AGAP1: variants seen among roughly 807,000 people sequenced by gnomAD.
AGAP1 encodes arf-GAP with GTPase, ANK repeat and PH domain-containing protein 1.
Under a neutral mutation model 105.3 loss-of-function variants are expected in AGAP1, and 29 were observed. The ratio of observed to expected loss-of-function variants is 0.28; its 90% CI spans 0.21 to 0.38. The LOEUF is 0.38. Among genes scored for constraint, AGAP1 ranks in the 10% least tolerant of loss-of-function variants. The pLI, the probability that AGAP1 is intolerant of heterozygous loss-of-function variation, is 1.00. For synonymous variants in AGAP1, 509 were observed against 485.9 expected (o/e 1.05, Z -0.63); for missense variants, 998 against 1,165.1 (o/e 0.86, Z 2.09).
chr2:236,102,110 C>T (rs1022317282), intron 16 of AGAP1, among the ~76,000 whole-genome samples: 6 of 151,934 alleles, frequency 3.9e-5, no homozygotes, highest in East Asian at 3.9e-4. Context: ...GGTGAAACCC[C>T]GTCTCTACTA....
intron 12 of AGAP1, among the ~76,000 whole-genome samples, chr2:235,954,274 C>T (rs1031764476): frequency 5.3e-5 from 8 of 150,988 alleles, no homozygotes; most frequent in African/African-American, 1.9e-4. Context: ...GACACAGCCA[C>T]ATAAAGGAGA....
chr2:236,116,354 G>GTTTTTTTTTTTTTT (rs1382491873), intron 16 of AGAP1, among the ~76,000 whole-genome samples: 3 of 90,636 alleles, frequency 3.3e-5, no homozygotes, highest in African/African-American at 1.1e-4. Flanking sequence ...GGTTAATTAA[G>GTTTTTTTTTTTTTT]TTCTTTTTTT....
chr2:235,522,819 T>C (rs1224876956), intron 1 of AGAP1, among the ~76,000 whole-genome samples: 2 of 152,188 alleles, frequency 1.3e-5, no homozygotes, highest in African/African-American at 4.8e-5. Flanking sequence ...TGTTTGGTAC[T>C]GTTAGAGCGA....
intron 12 of AGAP1, among the ~76,000 whole-genome samples, chr2:235,944,676 G>A (rs1049771785): frequency 3.9e-5 from 6 of 152,176 alleles, no homozygotes; most frequent in African/African-American, 1.4e-4. Flanking sequence ...GTGTCCAGAG[G>A]CACCACGTCA....
rs1335076320 is a variant in AGAP1 at position 235,734,239 on chromosome 2, GA to G, written c.311-6720del. Among the ~76,000 whole-genome samples, 1 of 152,178 alleles carries G rather than the reference GA, an allele frequency of 6.6e-6. No homozygotes were observed. Among genetic ancestry groups the G allele is most frequent in the Non-Finnish European group, 1.5e-5 (1 of 68,032 alleles). On this transcript the variant is annotated intron_variant, in intron 3 of 17. Coordinates refer to ENST00000304032, the MANE Select transcript of AGAP1 (RefSeq NM_001037131.3). This position sits in a 1 kb window ranked among gnomAD's most constrained non-coding sequence, Gnocchi z 5.3. Reference sequence around the variant, plus strand: ...ACAAGGAATATTGTAGATGAATTTTGAAAATGTTTTTCCTGGAAGAGAATCC... The same window carrying G: ...ACAAGGAATATTGTAGATGAATTTTGAAATGTTTTTCCTGGAAGAGAATCC...
rs1215678963 is a variant in AGAP1 at position 235,906,088 on chromosome 2, G to A, written c.1156-2650G>A. On this transcript the variant is annotated intron_variant, in intron 10 of 17. Coordinates refer to ENST00000304032, the MANE Select transcript of AGAP1 (RefSeq NM_001037131.3). The surrounding 1 kb of genome is among the most constrained non-coding windows in gnomAD (Gnocchi z 5.3). ...ACCATGACAGCTTTCCTCCAAGGGG[G>A]CTGTGGCTGACTCCAGCCAGCCTGC... Among the ~76,000 whole-genome samples the A allele has an allele frequency of 6.6e-6, 1 of 152,268 alleles. No individual in the cohort carries two copies. Among genetic ancestry groups the A allele is most frequent in the East Asian group, 1.9e-4 (1 of 5,152 alleles).
chr2:235,597,401 G>A (rs1215082347), intron 1 of AGAP1, among the ~76,000 whole-genome samples: 1 of 152,196 alleles, frequency 6.6e-6, no homozygotes, highest in Middle Eastern at 3.2e-3. Flanking sequence ...CCCCTCCAGG[G>A]CCACACACCT....
intron 9 of AGAP1, among the ~76,000 whole-genome samples, chr2:235,827,312 G>C (rs1398285293): frequency 6.6e-6 from 1 of 151,988 alleles, no homozygotes; most frequent in East Asian, 1.9e-4. Flanking sequence ...TGAGGTTTCA[G>C]GGCTTTGACC....
rs934017607 is a variant in AGAP1, at chr2:235,967,369, C to T, written c.1484-1093C>T. Among the ~76,000 whole-genome samples, 4 of 152,326 alleles carry T rather than the reference C, an allele frequency of 2.6e-5. No individual in the cohort carries two copies. The highest frequency in any genetic ancestry group is 1.3e-4 in the Admixed American group (2 of 15,298). On this transcript the variant is annotated intron_variant, in intron 12 of 17. Transcript: ENST00000304032. The surrounding 1 kb of genome is among the most constrained non-coding windows in gnomAD (Gnocchi z 4.7). ...CCCCAGCCTCCCAGCCTTGATGCCC[C>T]GCGTTCCTATTCGGTCTTTCCCATA...
chr2:235,632,934 C>T (rs912529317), intron 1 of AGAP1, among the ~76,000 whole-genome samples: 14 of 152,224 alleles, frequency 9.2e-5, no homozygotes, highest in South Asian at 4.1e-4. Context: ...AAAAGGAAGA[C>T]GACCTCTTGC....
At position 235,700,630 on chromosome 2, in the gene AGAP1, T is replaced by C. The variant is rs752473900; in HGVS notation, c.164-8549T>C. Reference sequence around the variant, plus strand: ...GCCTGGGGAACATGGCGAAACCCCGTCTCTACTGAAAATACAAAAATTAGC... The same window carrying C: ...GCCTGGGGAACATGGCGAAACCCCGCCTCTACTGAAAATACAAAAATTAGC... On this transcript the variant is annotated intron_variant, in intron 1 of 17. Coordinates refer to ENST00000304032, the MANE Select transcript of AGAP1 (RefSeq NM_001037131.3). This position sits in a 1 kb window ranked among gnomAD's most constrained non-coding sequence, Gnocchi z 6.1. Among the ~76,000 whole-genome samples the C allele has an allele frequency of 1.3e-5, 2 of 151,964 alleles. No individual in the cohort carries two copies. Among genetic ancestry groups the C allele is most frequent in the Non-Finnish European group, 2.9e-5 (2 of 68,000 alleles).
chr2:235,564,067 G>C (rs904439833), intron 1 of AGAP1, among the ~76,000 whole-genome samples: 4 of 152,166 alleles, frequency 2.6e-5, no homozygotes, highest in African/African-American at 9.7e-5. Context: ...AATGTCACCG[G>C]ACCAGTCAAT....
In AGAP1 at chr2:235,700,610, G is replaced by A. The variant is rs1950199678; in HGVS notation, c.164-8569G>A. On this transcript the variant is annotated intron_variant, in intron 1 of 17. Coordinates refer to ENST00000304032, the MANE Select transcript of AGAP1 (RefSeq NM_001037131.3). This position sits in a 1 kb window ranked among gnomAD's most constrained non-coding sequence, Gnocchi z 6.1. ...AAGTCAGGAGTTCCAGACCAGCCTG[G>A]GGAACATGGCGAAACCCCGTCTCTA... Among the ~76,000 whole-genome samples the A allele has an allele frequency of 6.6e-6, 1 of 152,154 alleles. No individual in the cohort carries two copies. Among genetic ancestry groups the A allele is most frequent in the Non-Finnish European group, 1.5e-5 (1 of 67,996 alleles).
rs148067992 is a variant in AGAP1 at position 235,623,295 on chromosome 2, AAATG to A, written c.164-85880_164-85877del. ...CGTATTACAGCATGTTGGGCATGTC[AAATG>A]AATCTGGGCGTTAGCCTACAAATCA... On this transcript the variant is annotated intron_variant, in intron 1 of 17. Transcript: ENST00000304032. This position sits in a 1 kb window ranked among gnomAD's most constrained non-coding sequence, Gnocchi z 4.5. 0.023 allele frequency among the ~76,000 whole-genome samples: 3,572 copies of A among 152,324 alleles called. 130 individuals carry two copies. Among genetic ancestry groups the A allele is most frequent in the African/African-American group, 0.079 (3,287 of 41,556 alleles).
At position 235,607,186 on chromosome 2, in the gene AGAP1, GC is replaced by G. The variant is rs35440037; in HGVS notation, c.164-101986del. ...GAGTTCGTTTGTTTCCAAATCCAGA[GC>G]CCCCCCTTCCCTGCCCAGACCCAGG... On this transcript the variant is annotated intron_variant, in intron 1 of 17. Transcript: ENST00000304032. Among the ~76,000 whole-genome samples the G allele has an allele frequency of 2.0e-5, 3 of 151,782 alleles. 1 individual carries two copies. Among genetic ancestry groups the G allele is most frequent in the Admixed American group, 2.0e-4 (3 of 15,244 alleles).
At chr2:235,844,188 G>A (rs1489263222) in intron 9 of AGAP1, among the ~76,000 whole-genome samples, 2 of 152,220 alleles carry the variant, frequency 1.3e-5, no homozygotes, top group Non-Finnish European at 2.9e-5. Flanking sequence ...AGCTCAGCTA[G>A]TGGCTCTCAT....
chr2:235,504,903 G>T (rs2149010331), intron 1 of AGAP1, among the ~76,000 whole-genome samples: 1 of 152,324 alleles, frequency 6.6e-6, no homozygotes, highest in South Asian at 2.1e-4. Flanking sequence ...CTTGTTAGTT[G>T]AATAATGACG....
Position 235,887,262 on chromosome 2 carries a change from G to A in AGAP1, c.1155+3813G>A, listed in dbSNP as rs1219707733. The stretch of plus-strand genomic sequence containing the variant: ...GGTGGCATAAGTGGTCAAGTGTTGG[G>A]AAAGCTGCCAGGATTGCTGGTGTTT... On this transcript the variant is annotated intron_variant, in intron 10 of 17. Transcript: ENST00000304032. This position sits in a 1 kb window ranked among gnomAD's most constrained non-coding sequence, Gnocchi z 4.1. 6.6e-6 allele frequency among the ~76,000 whole-genome samples: 1 copy of A among 152,094 alleles called. No individual in the cohort carries two copies. The highest frequency in any genetic ancestry group is 2.4e-5 in the African/African-American group (1 of 41,390).
At chr2:235,760,311 G>A (rs1040095341) in intron 6 of AGAP1, among the ~76,000 whole-genome samples, 6 of 152,214 alleles carry the variant, frequency 3.9e-5, no homozygotes, top group South Asian at 2.1e-4. Context: ...CCCGGGAGGC[G>A]GAGGTTGCAG....
Sources: allele counts gnomAD v4.1 joint callset (sites outside exome capture counted in the v4.1 genomes callset), GRCh38; gene constraint gnomAD v4.1.1; non-coding constraint Gnocchi (gnomAD v3.1); transcripts MANE v1.5; gene names NCBI Gene and HGNC (gene_info 2026-07-23, HGNC 2026-07-21).